Variants in CSMD3 observed in about 807,000 individuals in gnomAD.
CSMD3 encodes the protein CUB and Sushi multiple domains 3, also known as CUB and sushi domain-containing protein 3.
Under a neutral mutation model 435.2 loss-of-function variants are expected in CSMD3, and 177 were observed. That is an observed-to-expected ratio of 0.41 (90% CI 0.36 to 0.46). The LOEUF (loss-of-function observed/expected upper bound fraction) is 0.46, where lower values mean the gene tolerates loss of function less well. Ranked by LOEUF, CSMD3 falls within the 20% of genes least tolerant of loss-of-function variation. The probability of loss-of-function intolerance (pLI) is 0.34; values close to 1 mark genes in which losing one functional copy is unlikely to be tolerated. For missense variants in CSMD3, 4,265 were observed against 4,504.6 expected (o/e 0.95, Z 1.52); for synonymous variants, 1,656 against 1,520.5 (o/e 1.09, Z -2.07).
intron 13 of CSMD3, among the ~76,000 whole-genome samples, chr8:112,772,307 C>A (rs191043360): frequency 3.3e-4 from 50 of 152,158 alleles, no homozygotes; most frequent in Non-Finnish European, 6.5e-4. Flanking sequence ...AACCCTACCC[C>A]GAACCCTGTG....
chr8:112,922,064 C>T (rs781114508), intron 9 of CSMD3, among the ~76,000 whole-genome samples: 11 of 151,920 alleles, frequency 7.2e-5, no homozygotes, highest in East Asian at 5.8e-4. Flanking sequence ...TATCATATTA[C>T]GGTGTTTTTC....
intron 18 of CSMD3, among the ~76,000 whole-genome samples, chr8:112,652,254 A>G (rs2075146025): frequency 6.6e-6 from 1 of 152,174 alleles, no homozygotes; most frequent in Non-Finnish European, 1.5e-5. Context: ...TCTCATAGGA[A>G]TACCTTCAGT....
At chr8:112,248,880 T>C (rs771197906) in intron 63 of CSMD3, among the ~76,000 whole-genome samples, 1 of 152,138 alleles carries the variant, frequency 6.6e-6, no homozygotes, top group Non-Finnish European at 1.5e-5. Flanking sequence ...CTCTTATCCC[T>C]GGATGCCCCA....
intron 11 of CSMD3, among the ~76,000 whole-genome samples, chr8:112,845,658 G>C (rs988090571): frequency 1.3e-5 from 2 of 151,920 alleles, no homozygotes; most frequent in African/African-American, 4.8e-5. Flanking sequence ...TTTCATCTCA[G>C]AATAAAACAT....
At chr8:112,327,750 G>A (rs1823640370) in intron 45 of CSMD3, among the ~76,000 whole-genome samples, 1 of 152,118 alleles carries the variant, frequency 6.6e-6, no homozygotes, top group South Asian at 2.1e-4. Flanking sequence ...TATCTTCTGA[G>A]GATGGCTATT....
intron 2 of CSMD3, among the ~76,000 whole-genome samples, chr8:113,284,431 ATT>A: frequency 6.6e-6 from 1 of 152,324 alleles, no homozygotes; most frequent in Middle Eastern, 3.4e-3. Flanking sequence ...ATTTATTGTT[ATT>A]AAGTTATTAA....
intron 2 of CSMD3, among the ~76,000 whole-genome samples, chr8:113,296,338 G>C (rs922021382): frequency 6.8e-6 from 1 of 147,094 alleles, no homozygotes; most frequent in South Asian, 2.2e-4. Flanking sequence ...GGGCAACATG[G>C]TGAAACCACA....
intron 3 of CSMD3, among the ~76,000 whole-genome samples, chr8:113,217,709 T>C (rs1200867292): frequency 1.3e-5 from 2 of 151,434 alleles, no homozygotes; most frequent in Admixed American, 1.3e-4. Context: ...GGCTTAGTGA[T>C]ATGTAGAGGA....
chr8:113,355,719 TTTTTATA>T (rs2094218990), intron 1 of CSMD3, among the ~76,000 whole-genome samples: 1 of 79,670 alleles, frequency 1.3e-5, no homozygotes, highest in Non-Finnish European at 2.4e-5. Context: ...AAAAGTTTTA[TTTTTATA>T]TATATATATA....
Position 113,333,600 on chromosome 8 carries a change from T to C in CSMD3, c.179-18807A>G, listed in dbSNP as rs2094045417. On this transcript the variant is annotated intron_variant, in intron 1 of 70. Coordinates refer to ENST00000297405, the MANE Select transcript of CSMD3 (RefSeq NM_198123.2). ...AGTTTGGCATACTTGTTTGAGTCTA[T>C]CTTTGAGGTTCTCTATTGTGTTCCA... 4.6e-5 allele frequency among the ~76,000 whole-genome samples: 7 copies of C among 151,878 alleles called. No individual in the cohort carries two copies. In the South Asian group the frequency reaches 1.4e-3, roughly 31 times the overall value.
At chr8:112,337,023 A>G in intron 43 of CSMD3, among the ~76,000 whole-genome samples, 194 bp from the exon 44 acceptor site, 1 of 152,164 alleles carries the variant, frequency 6.6e-6, no homozygotes, top group East Asian at 1.9e-4. Context: ...ATTTTTCCAC[A>G]TGAGGTATAC....
intron 9 of CSMD3, among the ~76,000 whole-genome samples, chr8:112,945,303 C>A (rs2355754): frequency 0.25 from 37,431 of 151,552 alleles, 5,119 homozygotes; most frequent in East Asian, 0.41. Flanking sequence ...TTCACTCAGA[C>A]TACTGAAGAA....
intron 22 of CSMD3, among the ~76,000 whole-genome samples, chr8:112,604,275 CT>C (rs1237526985): frequency 6.6e-6 from 1 of 152,012 alleles, no homozygotes; most frequent in Non-Finnish European, 1.5e-5. Context: ...GTTCTTTTTG[CT>C]TAGGATGTCA....
chr8:112,496,456 T>C (rs1821352593), intron 30 of CSMD3, among the ~76,000 whole-genome samples: 2 of 152,122 alleles, frequency 1.3e-5, no homozygotes, highest in Admixed American at 1.3e-4. Context: ...CCACTGCTAG[T>C]ATATATCCAA....
intron 1 of CSMD3, chr8:113,376,831 C>T (rs749926806): frequency 1.9e-6 from 3 of 1,613,288 alleles, no homozygotes; most frequent in Admixed American, 1.7e-5. Context: ...GTTTATGAGT[C>T]GCAACAACCG....
intron 1 of CSMD3, among the ~76,000 whole-genome samples, chr8:113,349,672 G>C (rs2094176427): frequency 6.6e-6 from 1 of 151,968 alleles, no homozygotes; most frequent in African/African-American, 2.4e-5. Context: ...TTGTCTTTCT[G>C]AGGAATAACC....
At chr8:112,833,253 A>G (rs1031722622) in intron 11 of CSMD3, among the ~76,000 whole-genome samples, 6 of 152,110 alleles carry the variant, frequency 3.9e-5, no homozygotes, top group African/African-American at 1.4e-4. Flanking sequence ...GAGAACTGAC[A>G]TCTTAAGGTA....
chr8:112,412,278 T>G (rs1811433096), intron 32 of CSMD3, among the ~76,000 whole-genome samples: 1 of 152,110 alleles, frequency 6.6e-6, no homozygotes. Context: ...CTCAATCCAA[T>G]GGGTAGAACA....
chr8:112,795,319 GA>G (rs563104855), intron 13 of CSMD3, among the ~76,000 whole-genome samples: 16 of 150,498 alleles, frequency 1.1e-4, no homozygotes, highest in East Asian at 1.9e-4. Context: ...CCCAGTACTG[GA>G]AAAAAAAACT....
Sources: allele counts gnomAD v4.1 joint callset (sites outside exome capture counted in the v4.1 genomes callset), GRCh38; gene constraint gnomAD v4.1.1; transcripts MANE v1.5; gene names NCBI Gene and HGNC (gene_info 2026-07-23, HGNC 2026-07-21).